LRFN5: variants seen among roughly 807,000 people sequenced by gnomAD.
LRFN5 encodes leucine-rich repeat and fibronectin type-III domain-containing protein 5.
LRFN5 carries 24 observed loss-of-function variants against 45.6 expected under a neutral mutation model. That is an observed-to-expected ratio of 0.53 (90% confidence interval 0.38 to 0.74). The LOEUF is 0.74. Among genes scored for constraint, LRFN5 ranks in the 30% least tolerant of loss-of-function variants. LRFN5 has a pLI of 0.00. For missense variants in LRFN5, 776 were observed against 861.5 expected (o/e 0.90, Z 1.24); for synonymous variants, 340 against 313.8 (o/e 1.08, Z -0.88).
intron 1 of LRFN5, among the ~76,000 whole-genome samples, chr14:41,708,704 AT>A (rs1463024115): frequency 7.5e-6 from 1 of 132,906 alleles, no homozygotes. Flanking sequence ...CCCATTATGG[AT>A]TTTGCTGAAT....
chr14:41,838,595 G>C (rs1888747239), intron 2 of LRFN5, among the ~76,000 whole-genome samples: 1 of 152,030 alleles, frequency 6.6e-6, no homozygotes, highest in South Asian at 2.1e-4. Flanking sequence ...TTCTCCTTGA[G>C]GTTTTGAAAG....
Position 41,891,578 on chromosome 14 carries a change from C to A in LRFN5, c.1714C>A (p.Gln572Lys). 6.2e-7 allele frequency: 1 copy of A among 1,614,144 alleles called. No individual in the cohort carries two copies. The highest frequency in any genetic ancestry group is 8.5e-7 in the Non-Finnish European group (1 of 1,180,034). Reference sequence around the variant, plus strand: ...CACCAAGGTTAGCAATGTTTATTCCCAAACTAACGGGGCTCAAATACAAGG... The same window carrying A: ...CACCAAGGTTAGCAATGTTTATTCCAAAACTAACGGGGCTCAAATACAAGG... ...KVTKVSNVYS[Q>K]TNGAQIQGCS... The change falls in exon 4 of 6, where the codon CAA becomes AAA. Residue 572 changes from glutamine to lysine, a missense_variant. Physicochemically the swap from Gln to Lys is moderately conservative, Grantham distance 53. Around this residue, in one of 2 missense-constraint regions of LRFN5, gnomAD observed 465 missense variants for 456.4 expected, o/e 1.02. Coordinates refer to ENST00000298119, the MANE Select transcript of LRFN5 (RefSeq NM_152447.5).
chr14:41,652,124 C>A (rs1162976235), intron 1 of LRFN5, among the ~76,000 whole-genome samples: 1 of 151,872 alleles, frequency 6.6e-6, no homozygotes, highest in Non-Finnish European at 1.5e-5. Context: ...GAATGAATGA[C>A]TGATGTATAG....
intron 2 of LRFN5, among the ~76,000 whole-genome samples, chr14:41,832,340 C>A (rs1888513740): frequency 6.6e-6 from 1 of 152,096 alleles, no homozygotes; most frequent in Admixed American, 6.6e-5. Context: ...CAAGAGTTCC[C>A]CCCATTTCCA....
At chr14:41,759,914 A>T (rs1885586645) in intron 1 of LRFN5, among the ~76,000 whole-genome samples, 1 of 152,216 alleles carries the variant, frequency 6.6e-6, no homozygotes, top group Non-Finnish European at 1.5e-5. Context: ...AAGGCAGATG[A>T]TGCGCTATTA....
chr14:41,708,325 G>A (rs1226049755), intron 1 of LRFN5, among the ~76,000 whole-genome samples: 1 of 151,736 alleles, frequency 6.6e-6, no homozygotes, highest in Non-Finnish European at 1.5e-5. Flanking sequence ...TCATTCATCT[G>A]CCTCTTCTCA....
intron 2 of LRFN5, among the ~76,000 whole-genome samples, chr14:41,778,841 A>G (rs1032427953): frequency 1.5e-4 from 23 of 151,846 alleles, no homozygotes; most frequent in African/African-American, 5.1e-4. Context: ...AAATTTCCAC[A>G]TAAGGATCTT....
At chr14:41,800,534 A>T (rs1261248568) in intron 2 of LRFN5, among the ~76,000 whole-genome samples, 1 of 151,772 alleles carries the variant, frequency 6.6e-6, no homozygotes, top group Non-Finnish European at 1.5e-5. Context: ...ATTTTATGTA[A>T]CAAGTACATT....
intron 1 of LRFN5, among the ~76,000 whole-genome samples, chr14:41,680,809 T>G (rs933623607): frequency 7.2e-5 from 11 of 152,042 alleles, no homozygotes; most frequent in African/African-American, 2.4e-4. Context: ...CACAGATATG[T>G]GACCTTTCAG....
In LRFN5 at chr14:41,891,896, T is replaced by G; in HGVS notation, c.2032T>G (p.Leu678Val). Residue 678 changes from leucine to valine, a missense_variant, in exon 4 of 6, where the codon TTA (leucine) becomes GTA (valine). Coordinates refer to ENST00000298119, the MANE Select transcript of LRFN5 (RefSeq NM_152447.5). ...CAGGAACAACTCAACTGCCTTGCAG[T>G]TAGCTAGCCGTCCTCCCGATTCTGT... ...TNRNNSTALQ[L>V]ASRPPDSVTE... 1 of 1,614,104 alleles carries G rather than the reference T, an allele frequency of 6.2e-7. No homozygotes were observed. Among genetic ancestry groups the G allele is most frequent in the Non-Finnish European group, 8.5e-7 (1 of 1,180,018 alleles).
At position 41,798,526 on chromosome 14, in the gene LRFN5, A is replaced by G. The variant is rs142010037; in HGVS notation, c.-21+31497A>G. Among the ~76,000 whole-genome samples the G allele has an allele frequency of 2.2e-3, 334 of 152,166 alleles. 3 individuals are homozygous for G. Among genetic ancestry groups the G allele is most frequent in the African/African-American group, 7.7e-3 (321 of 41,564 alleles). ...AATTCCTGCTCTTACGTAGTTTACC[A>G]TAGAGCTGGCAGAGAAAGACTAGCA... On this transcript the variant is annotated intron_variant, in intron 2 of 5. Transcript: ENST00000298119.
At chr14:41,702,064 G>C (rs1340865455) in intron 1 of LRFN5, among the ~76,000 whole-genome samples, 1 of 152,108 alleles carries the variant, frequency 6.6e-6, no homozygotes, top group African/African-American at 2.4e-5. Flanking sequence ...CTAAGCATAG[G>C]ACTTATTCTG....
chr14:41,739,738 A>T (rs1884609105), intron 1 of LRFN5, among the ~76,000 whole-genome samples: 1 of 151,796 alleles, frequency 6.6e-6, no homozygotes, highest in Non-Finnish European at 1.5e-5. Flanking sequence ...CAAAATAGAG[A>T]CTAGAAAAAC....
chr14:41,904,177 G>A lies in LRFN5; in HGVS notation c.*2G>A. 6.2e-7 allele frequency: 1 copy of A among 1,606,408 alleles called. No individual in the cohort carries two copies. Among genetic ancestry groups the A allele is most frequent in the Non-Finnish European group, 8.5e-7 (1 of 1,177,476 alleles). ...TTTCAGAGGCTGGAGTTAATCTGAA[G>A]AGCACCACTTCTCCTCTCTCTCCTG... On this transcript the variant is annotated 3_prime_UTR_variant, in exon 6 of 6. Transcript: ENST00000298119.
intron 2 of LRFN5, among the ~76,000 whole-genome samples, chr14:41,804,585 G>A (rs905682912): frequency 3.3e-5 from 5 of 152,040 alleles, no homozygotes; most frequent in African/African-American, 1.2e-4. Context: ...TACAAAGGTG[G>A]TTCAGTTTTG....
intron 1 of LRFN5, among the ~76,000 whole-genome samples, chr14:41,690,826 GTTTA>G (rs1882347914): frequency 6.6e-6 from 1 of 151,868 alleles, no homozygotes; most frequent in Non-Finnish European, 1.5e-5. Context: ...CATTCAGATT[GTTTA>G]TTTACCCTTA....
rs1480524178 is a variant in LRFN5 at position 41,892,988 on chromosome 14, G to A, written c.2098+1026G>A. On this transcript the variant is annotated intron_variant, in intron 4 of 5. Transcript: ENST00000298119. Reference sequence around the variant, plus strand: ...AAGGGGTGTTTATTTTTATCACCAAGTAAAATTTAAAAACTTCTAATGGTG... The same window carrying A: ...AAGGGGTGTTTATTTTTATCACCAAATAAAATTTAAAAACTTCTAATGGTG... 3.0e-6 allele frequency: 3 copies of A among 984,856 alleles called. No individual in the cohort carries two copies. In the African/African-American group the frequency reaches 5.2e-5, roughly 17 times the overall value. 61.0% of individuals were successfully genotyped at this position (984,856 alleles called of 1,614,324 possible). A position where few individuals can be genotyped will look rare whatever the true frequency, so the allele number is the denominator to read the frequency against.
At chr14:41,896,285 A>G (rs757283094) in intron 4 of LRFN5, among the ~76,000 whole-genome samples, 9 of 152,034 alleles carry the variant, frequency 5.9e-5, no homozygotes, top group Non-Finnish European at 1.3e-4. Context: ...TTCTCAGCAT[A>G]GTTGATTTCC....
chr14:41,617,054 G>A (rs934015369), intron 1 of LRFN5, among the ~76,000 whole-genome samples: 32 of 152,002 alleles, frequency 2.1e-4, no homozygotes, highest in African/African-American at 6.5e-4. Flanking sequence ...TAGGTATGTT[G>A]GTAAAATAAG....
Sources: allele counts gnomAD v4.1 joint callset (sites outside exome capture counted in the v4.1 genomes callset), GRCh38; gene constraint gnomAD v4.1.1; regional missense constraint gnomAD v4.1.1; transcripts MANE v1.5; gene names NCBI Gene and HGNC (gene_info 2026-07-23, HGNC 2026-07-21).